Variants in LITAF observed in about 807,000 individuals in gnomAD.
LITAF encodes lipopolysaccharide-induced tumor necrosis factor-alpha factor.
Under a neutral mutation model 14.5 loss-of-function variants are expected in LITAF, and 9 were observed. That is an observed-to-expected ratio of 0.62 (90% CI 0.37 to 1.08). The LOEUF (loss-of-function observed/expected upper bound fraction) is 1.08, where lower values mean the gene tolerates loss of function less well. LITAF is among the 50% of genes least tolerant of loss of function. The pLI is 0.01. For synonymous variants in LITAF, 98 were observed against 88.2 expected (o/e 1.11, Z -0.62); for missense variants, 206 against 213.4 (o/e 0.97, Z 0.22).
rs190515611 is a variant in LITAF at position 11,632,814 on chromosome 16, G to A, written c.85+719C>T. Among the ~76,000 whole-genome samples, 35 of 151,862 alleles carry A rather than the reference G, an allele frequency of 2.3e-4. No individual in the cohort carries two copies. Among genetic ancestry groups the A allele is most frequent in the Non-Finnish European group, 2.8e-4 (19 of 68,014 alleles). On this transcript the variant is annotated intron_variant, in intron 3 of 3. Coordinates refer to the LITAF transcript ENST00000574848. This position sits in a 1 kb window ranked among gnomAD's most constrained non-coding sequence, Gnocchi z 4.8. Reference sequence around the variant, plus strand: ...CACGGGTCAGAGTTTTCCGTGTGCCGCCTCCTCGTCCTTCTTCTTCTGCCG... The same window carrying A: ...CACGGGTCAGAGTTTTCCGTGTGCCACCTCCTCGTCCTTCTTCTTCTGCCG...
At chr16:11,600,164 G>C (rs1028183312), upstream of LITAF, among the ~76,000 whole-genome samples, 3 of 151,940 alleles carry the variant, frequency 2.0e-5, no homozygotes, top group African/African-American at 7.2e-5. The surrounding 1 kb of genome is among the most constrained non-coding windows in gnomAD (Gnocchi z 4.1). Flanking sequence ...TGCCCAGCTT[G>C]TTTTTGTATT....
At chr16:11,615,321 G>A (rs1284991072) in intron 3 of LITAF, among the ~76,000 whole-genome samples, 4 of 152,194 alleles carry the variant, frequency 2.6e-5, no homozygotes, top group Non-Finnish European at 5.9e-5. Flanking sequence ...TGGATCACCT[G>A]AGGTCAGGAG....
chr16:11,595,553 C>T (rs1408939280), intron 1 of LITAF, among the ~76,000 whole-genome samples: 5 of 152,114 alleles, frequency 3.3e-5, no homozygotes, highest in African/African-American at 4.8e-5. Context: ...CACAGTGAAA[C>T]CCTGTCTTTA....
At position 11,549,926 on chromosome 16, in the gene LITAF, G is replaced by C. The variant is rs2064159199; in HGVS notation, c.378-181C>G. On this transcript the variant is annotated intron_variant, in intron 3 of 3. Coordinates refer to ENST00000622633, the MANE Select transcript of LITAF (RefSeq NM_001136472.2). This position sits in a 1 kb window ranked among gnomAD's most constrained non-coding sequence, Gnocchi z 4.6. ...CCCCTAAAACCCAATGACCTTAGAA[G>C]AAGAGGAGAGGACACACAGAGATAC... 1.6e-6 allele frequency: 1 copy of C among 626,276 alleles called. No homozygotes were observed. Among genetic ancestry groups the C allele is most frequent in the Non-Finnish European group, 3.0e-6 (1 of 337,388 alleles). The allele number at this position is 626,276 out of a possible 1,614,324, so 38.8% of individuals were successfully genotyped here. A position where few individuals can be genotyped will look rare whatever the true frequency, so the allele number is the denominator to read the frequency against.
At chr16:11,599,125 TG>T (rs901963442), upstream of LITAF, among the ~76,000 whole-genome samples, 2 of 145,516 alleles carry the variant, frequency 1.4e-5, no homozygotes, top group African/African-American at 5.2e-5. Flanking sequence ...AAGCCTTTTA[TG>T]GGGGGGTGGG....
chr16:11,619,951 T>A (rs1488052001), intron 3 of LITAF, among the ~76,000 whole-genome samples: 1 of 151,910 alleles, frequency 6.6e-6, no homozygotes, highest in Non-Finnish European at 1.5e-5. Flanking sequence ...GTGGATCACC[T>A]GAGGTCAGGA....
chr16:11,637,946 CTATATATATCTA>C (rs1567270855), upstream of LITAF, among the ~76,000 whole-genome samples: 1 of 59,096 alleles, frequency 1.7e-5, no homozygotes, highest in African/African-American at 1.4e-4. Context: ...ATCTATATAT[CTATATATATCTA>C]TATATATCTA....
chr16:11,630,523 T>G (rs990085579), intron 3 of LITAF, among the ~76,000 whole-genome samples: 11 of 151,024 alleles, frequency 7.3e-5, no homozygotes, highest in African/African-American at 2.4e-4. Flanking sequence ...CTCCACAGCT[T>G]CAGGTCTCTC....
chr16:11,614,915 G>C (rs1188662182), intron 3 of LITAF, among the ~76,000 whole-genome samples: 1 of 152,240 alleles, frequency 6.6e-6, no homozygotes, highest in Non-Finnish European at 1.5e-5. Context: ...AGTCAGTTCA[G>C]TGATTGTCAT....
At chr16:11,589,619 C>CTTT (rs60950577), upstream of LITAF, among the ~76,000 whole-genome samples, 46 of 103,898 alleles carry the variant, frequency 4.4e-4, 1 homozygote, top group East Asian at 5.8e-4. Context: ...AAATCAGTTG[C>CTTT]TTTTTTTTTT....
At chr16:11,604,806 A>G (rs1333223506) in intron 3 of LITAF, among the ~76,000 whole-genome samples, 1 of 149,658 alleles carries the variant, frequency 6.7e-6, no homozygotes, top group African/African-American at 2.5e-5. Context: ...GCAAATTCCC[A>G]GAAGTGTGAT....
rs1008313351 is a variant in LITAF at position 11,632,015 on chromosome 16, C to T, written c.85+1518G>A. Among the ~76,000 whole-genome samples, 2 of 151,966 alleles carry T rather than the reference C, an allele frequency of 1.3e-5. No individual in the cohort carries two copies. Among genetic ancestry groups the T allele is most frequent in the African/African-American group, 2.4e-5 (1 of 41,470 alleles). ...CTGAGTAGCTGGGATTACAGGTGTG[C>T]GCCACCACGCCCGGCTAATTTTTTT... is the stretch of plus-strand genomic sequence containing the variant. On this transcript the variant is annotated intron_variant, in intron 3 of 3. Transcript: ENST00000574848. The surrounding 1 kb of genome is among the most constrained non-coding windows in gnomAD (Gnocchi z 4.8).
intron 3 of LITAF, among the ~76,000 whole-genome samples, chr16:11,614,863 G>A (rs1033717225): frequency 6.6e-6 from 1 of 152,222 alleles, no homozygotes; most frequent in African/African-American, 2.4e-5. Flanking sequence ...CCTGCAGCTG[G>A]ACCAGCTCTG....
chr16:11,598,637 G>C (rs2064908167), upstream of LITAF: 1 of 152,158 alleles, frequency 6.6e-6, no homozygotes, highest in Non-Finnish European at 1.5e-5. Context: ...AATGGTGAAA[G>C]CGGTGACAAT....
At chr16:11,571,309 C>T (rs1183788942) in intron 1 of LITAF, among the ~76,000 whole-genome samples, 1 of 152,154 alleles carries the variant, frequency 6.6e-6, no homozygotes, top group Non-Finnish European at 1.5e-5. Context: ...TCAGGTGATT[C>T]GCCTGCCTCG....
At chr16:11,587,390 T>G, upstream of LITAF, 1 of 453,800 alleles carries the variant, frequency 2.2e-6, no homozygotes, top group South Asian at 1.6e-5. Flanking sequence ...GGGCGGCCCT[T>G]CTCTTCCTGT....
In LITAF at chr16:11,622,947, A is replaced by AATATAT. The variant is rs56677620; in HGVS notation, c.85+10580_85+10585dup. On this transcript the variant is annotated intron_variant, in intron 3 of 3. Coordinates refer to the LITAF transcript ENST00000574848. ...ATTAGTTGTATAGTTTCATATAATG[A>AATATAT]ATATATATATATATATATATATATA... Among the ~76,000 whole-genome samples, 118 of 145,400 alleles carry AATATAT rather than the reference A, an allele frequency of 8.1e-4. 1 individual carries two copies. Among genetic ancestry groups the AATATAT allele is most frequent in the African/African-American group, 2.8e-3 (110 of 39,844 alleles).
At chr16:11,589,251 TA>T (rs957888904), upstream of LITAF, among the ~76,000 whole-genome samples, 1 of 152,046 alleles carries the variant, frequency 6.6e-6, no homozygotes, top group South Asian at 2.1e-4. Context: ...CTTTCATGAT[TA>T]AAAAAATAAT....
chr16:11,590,543 G>A (rs562356762), upstream of LITAF, among the ~76,000 whole-genome samples: 43 of 116,942 alleles, frequency 3.7e-4, 14 homozygotes, highest in Non-Finnish European at 6.0e-4. Flanking sequence ...AAAGGAGACC[G>A]TCTCCTTTAC....
Sources: allele counts gnomAD v4.1 joint callset (sites outside exome capture counted in the v4.1 genomes callset), GRCh38; gene constraint gnomAD v4.1.1; non-coding constraint Gnocchi (gnomAD v3.1); transcripts MANE v1.5; gene names NCBI Gene and HGNC (gene_info 2026-07-23, HGNC 2026-07-21).